The following SLC9A3 variants were observed in gnomAD, a reference collection of about 807,000 sequenced individuals.
SLC9A3 encodes the protein solute carrier family 9 member A3.
SLC9A3 carries 37 observed loss-of-function variants against 86.8 expected under a neutral mutation model. The ratio of observed to expected loss-of-function variants is 0.43; its 90% CI spans 0.33 to 0.56. The LOEUF is 0.56. Among genes scored for constraint, SLC9A3 ranks in the 20% least tolerant of loss-of-function variants. The pLI, the probability that SLC9A3 is intolerant of heterozygous loss-of-function variation, is 0.06. For synonymous variants in SLC9A3, 581 were observed against 528.3 expected, an observed-to-expected ratio of 1.10 and a Z score of -1.37; for missense variants, 1,011 against 1,171.9, an observed-to-expected ratio of 0.86 and a Z score of 2.00.
Position 471,651 on chromosome 5 carries a change from T to C in SLC9A3, c.*1728A>G. On this transcript the variant is annotated 3_prime_UTR_variant, in exon 17 of 17. Transcript: ENST00000264938. ...TGGGCAGGGCTTGCTGCATAGAGGA[T>C]GGCTGCATTTTGTGCTCAGAGTTGG... The C allele has an allele frequency of 2.5e-6, 1 of 407,396 alleles. No individual in the cohort carries two copies. Among genetic ancestry groups the C allele is most frequent in the South Asian group, 1.8e-5 (1 of 55,738 alleles). 25.2% of individuals were successfully genotyped at this position (407,396 alleles called of 1,614,324 possible). A position where few individuals can be genotyped will look rare whatever the true frequency, so the allele number is the denominator to read the frequency against.
Position 476,382 on chromosome 5 carries a change from C to G in SLC9A3, c.1891-4G>C. On this transcript the variant is annotated splice_region_variant and splice_polypyrimidine_tract_variant and intron_variant, in intron 12 of 16. Transcript: ENST00000264938. ...GTCGGCTGTACAGATGCTTGTACTG[C>G]GGGATCAGGCACGGAGGTCACAGCT... is the stretch of plus-strand genomic sequence containing the variant. 6.2e-7 allele frequency: 1 copy of G among 1,613,488 alleles called. No homozygotes were observed. Among genetic ancestry groups the G allele is most frequent in the South Asian group, 1.1e-5 (1 of 91,086 alleles).
At chr5:509,103 G>A (rs1160852924) in intron 1 of SLC9A3, among the ~76,000 whole-genome samples, 1 of 145,462 alleles carries the variant, frequency 6.9e-6, no homozygotes, top group Non-Finnish European at 1.5e-5. Context: ...GCCAGATCCT[G>A]TCTCAAAAAA....
At chr5:488,248 TG>T in intron 3 of SLC9A3, 67 bp downstream of exon 3, 2 of 1,553,188 alleles carry the variant, frequency 1.3e-6, no homozygotes, top group East Asian at 2.3e-5. Context: ...GACTGACCGA[TG>T]GGGGGTGAGA....
intron 10 of SLC9A3, 77 bp from the exon 11 acceptor site, chr5:477,521 A>C (rs2126607404): frequency 9.8e-7 from 1 of 1,023,566 alleles, no homozygotes. Context: ...CCTGGGGGGA[A>C]GCGCCCAGAG....
chr5:482,039 C>CG (rs781512793), intron 8 of SLC9A3, 29 bp downstream of exon 8: 5 of 489,730 alleles, frequency 1.0e-5, no homozygotes, highest in South Asian at 3.6e-5. Context: ...ACGCAGTGCC[C>CG]CCCCCCCGCC....
At chr5:520,981 C>T (rs4957061) in intron 1 of SLC9A3, among the ~76,000 whole-genome samples, 72,484 of 152,084 alleles carry the variant, frequency 0.48, 17,876 homozygotes, top group African/African-American at 0.56. Context: ...GGCCCTGGTG[C>T]GGGTGGCTGC....
rs756435404 is a variant in SLC9A3, at chr5:482,647, G to C, written c.1257C>G (p.Ala419=). The change falls in exon 7 of 17, where the codon GCC becomes GCG. Residue 419 remains alanine, a synonymous_variant. Transcript: ENST00000264938. ...LSYGGLRGAV[A]FALVVLLDGD... is the part of the protein sequence containing the mutation. The stretch of plus-strand genomic sequence containing the variant: ...CATCCAGAAGCACCACCAGGGCAAA[G>C]GCCACGGCCCCGCGCAGGCCCCCGT... 1.9e-6 allele frequency: 3 copies of C among 1,612,820 alleles called. No individual in the cohort carries two copies. Among genetic ancestry groups the C allele is most frequent in the Non-Finnish European group, 2.5e-6 (3 of 1,179,914 alleles).
At chr5:482,199 C>T (rs1159956457) in intron 7 of SLC9A3, 42 bp from the exon 8 acceptor site, 1 of 1,475,568 alleles carries the variant, frequency 6.8e-7, no homozygotes, top group Admixed American at 1.7e-5. Flanking sequence ...AGGCAGCCCC[C>T]CACATCCCGC....
At chr5:483,534 GC>G (rs1227711750) in intron 5 of SLC9A3, 52 bp from the exon 6 acceptor site, 2 of 1,349,994 alleles carry the variant, frequency 1.5e-6, no homozygotes, top group Non-Finnish European at 2.1e-6. Context: ...GGCGCCCGAG[GC>G]CCCCGTGTCC....
At chr5:498,780 A>G (rs1056395908) in intron 1 of SLC9A3, among the ~76,000 whole-genome samples, 1 of 152,190 alleles carries the variant, frequency 6.6e-6, no homozygotes, top group African/African-American at 2.4e-5. Flanking sequence ...CTTTGGGAAG[A>G]GTGCCCCTGC....
intron 1 of SLC9A3, among the ~76,000 whole-genome samples, chr5:508,682 G>A (rs1405813115): frequency 2.6e-5 from 4 of 152,170 alleles, no homozygotes; most frequent in African/African-American, 9.7e-5. Context: ...GATGCCGCAG[G>A]GAGACGCAGG....
At chr5:522,579 G>A (rs1733914780) in intron 1 of SLC9A3, among the ~76,000 whole-genome samples, 1 of 152,080 alleles carries the variant, frequency 6.6e-6, no homozygotes, top group Non-Finnish European at 1.5e-5. Flanking sequence ...GACCAACATG[G>A]AGAAACCCTG....
intron 1 of SLC9A3, among the ~76,000 whole-genome samples, chr5:513,293 A>G (rs1733626129): frequency 6.6e-6 from 1 of 152,146 alleles, no homozygotes. Flanking sequence ...CATGGGCAGT[A>G]TCTGGGAGCT....
In SLC9A3 at chr5:485,204, C is replaced by T. The variant is rs753551713; in HGVS notation, c.703G>A (p.Val235Met). Reference sequence around the variant, plus strand: ...GTCACGTTGTCACCTCCCAGCGCCACGAAAGATTCAAACACATTGTACAGA... The same window carrying T: ...GTCACGTTGTCACCTCCCAGCGCCATGAAAGATTCAAACACATTGTACAGA... ...VVLYNVFESF[V>M]ALGGDNVTGV... is the part of the protein sequence containing the mutation. Residue 235 changes from valine to methionine, a missense_variant, in exon 4 of 17, where the codon GTG (valine) becomes ATG (methionine). This residue lies in a region of SLC9A3 where 565 missense variants were observed against 790.0 expected (regional missense o/e 0.72). Transcript: ENST00000264938. 4 of 1,613,912 alleles carry T rather than the reference C, an allele frequency of 2.5e-6. No individual in the cohort carries two copies. Among genetic ancestry groups the T allele is most frequent in the Non-Finnish European group, 3.4e-6 (4 of 1,180,012 alleles).
At chr5:522,364 C>A (rs187994258) in intron 1 of SLC9A3, among the ~76,000 whole-genome samples, 1 of 152,212 alleles carries the variant, frequency 6.6e-6, no homozygotes, top group Non-Finnish European at 1.5e-5. Context: ...GGCTCCCAGG[C>A]GGGGCTGGCT....
In SLC9A3 at chr5:476,321, G is replaced by C. The variant is rs199498162; in HGVS notation, c.1948C>G (p.Arg650Gly). Residue 650 changes from arginine to glycine, a missense_variant, in exon 13 of 17, where the codon CGG becomes GGG. Around this residue, in one of 3 missense-constraint regions of SLC9A3, gnomAD observed 397 missense variants for 346.3 expected, o/e 1.15. Transcript: ENST00000264938. The part of the protein sequence containing the change: ...LTPTEDEKQD[R>G]EIFHRTMRKR... ...CGCATGGTCCTGTGGAAGATTTCCC[G>C]GTCCTGTTTCTCGTCCTCCGTGGGC... is the stretch of plus-strand genomic sequence containing the variant. 5.6e-6 allele frequency: 9 copies of C among 1,613,924 alleles called. No individual in the cohort carries two copies. The highest frequency in any genetic ancestry group is 1.1e-5 in the South Asian group (1 of 91,080).
chr5:485,577 C>T (rs1322415741), intron 3 of SLC9A3, among the ~76,000 whole-genome samples: 1 of 152,274 alleles, frequency 6.6e-6, no homozygotes, highest in African/African-American at 2.4e-5. Flanking sequence ...GAGTGACTTC[C>T]CTGCTGTGCT....
In SLC9A3 at chr5:475,015, T is replaced by C. The variant is rs1364910814; in HGVS notation, c.2369A>G (p.Gln790Arg). ...GAAGGTGCCGGGAGAGTAGGGAATC[T>C]GCGTGCGGGCCCTCTGCGAGGGGAC... ...TVVPSQRART[Q>R]IPYSPGTFCR... Residue 790 changes from glutamine to arginine, a missense_variant, in exon 16 of 17, where the codon CAG becomes CGG. By Grantham distance (43) the Gln-to-Arg change is conservative (BLOSUM62 1). This residue lies in a region of SLC9A3 where 397 missense variants were observed against 346.3 expected (regional missense o/e 1.15). Transcript: ENST00000264938. 1 of 1,612,194 alleles carries C rather than the reference T, an allele frequency of 6.2e-7. No homozygotes were observed. The highest frequency in any genetic ancestry group is 1.3e-5 in the African/African-American group (1 of 74,848).
chr5:524,004 CCGCCGCGCGG>C, intron 1 of SLC9A3, 98 bp downstream of exon 1: 1 of 668,462 alleles, frequency 1.5e-6, no homozygotes, highest in Non-Finnish European at 2.2e-6. Flanking sequence ...TCCCGGGCGG[CCGCCGCGCGG>C]CTCCGACCTG....
Sources: gnomAD v4.1 joint callset for allele counts (sites outside exome capture counted in the v4.1 genomes callset) on GRCh38, gnomAD v4.1.1 for gene constraint, gnomAD v4.1.1 regional missense constraint, MANE v1.5 for transcripts, NCBI Gene and HGNC (gene_info 2026-07-23, HGNC 2026-07-21) for gene names.